The following ZNF423 variants were observed in gnomAD, a reference collection of about 807,000 sequenced individuals.
ZNF423 encodes the protein Ebf-associated zinc finger protein.
Under a neutral mutation model 95.8 loss-of-function variants are expected in ZNF423, and 12 were observed. That is an observed-to-expected ratio of 0.13 (90% confidence interval 0.08 to 0.20). The LOEUF (loss-of-function observed/expected upper bound fraction) is 0.20. ZNF423 is among the 10% of genes least tolerant of loss of function. ZNF423 has a pLI of 1.00. For missense variants in ZNF423, 1,316 were observed against 1,737.1 expected, an observed-to-expected ratio of 0.76 and a Z score of 4.31; for synonymous variants, 749 against 711.9, an observed-to-expected ratio of 1.05 and a Z score of -0.83.
At chr16:49,639,320 A>G (rs535570540) in intron 3 of ZNF423, among the ~76,000 whole-genome samples, 6 of 152,328 alleles carry the variant, frequency 3.9e-5, no homozygotes. Flanking sequence ...TCCTGGAGGG[A>G]AGGAAATCCC....
At chr16:49,610,735 G>A (rs950628866) in intron 5 of ZNF423, among the ~76,000 whole-genome samples, 5 of 151,930 alleles carry the variant, frequency 3.3e-5, no homozygotes, top group African/African-American at 1.2e-4. Context: ...TGGCAGACTG[G>A]AAGGAAAATG....
chr16:49,748,513 C>T (rs1201819271), intron 2 of ZNF423, among the ~76,000 whole-genome samples: 1 of 152,160 alleles, frequency 6.6e-6, no homozygotes, highest in Admixed American at 6.5e-5. Flanking sequence ...GGCCCCCTTC[C>T]AGGAGTGCAC....
In ZNF423 at chr16:49,709,183, T is replaced by TAA. The variant is rs58833331; in HGVS notation, c.301+21587_301+21588insTT. Among the ~76,000 whole-genome samples, 14 of 145,318 alleles carry TAA rather than the reference T, an allele frequency of 9.6e-5. 1 individual carries two copies. Among genetic ancestry groups the TAA allele is most frequent in the Non-Finnish European group, 1.3e-4 (9 of 67,214 alleles). On this transcript the variant is annotated intron_variant, in intron 3 of 7. Transcript: ENST00000563137. Reference sequence around the variant, plus strand: ...CAGCAGCCGTTTATATATATATATATGAAAACGGAGCTTCGGAGCCCTGGG... The same window carrying TAA: ...CAGCAGCCGTTTATATATATATATATAAGAAAACGGAGCTTCGGAGCCCTGGG...
At chr16:49,626,275 A>G in intron 4 of ZNF423, 21 bp from the exon 5 acceptor site, 1 of 1,612,344 alleles carries the variant, frequency 6.2e-7, no homozygotes, top group Non-Finnish European at 8.5e-7. Context: ...ACCAAAAATA[A>G]AAGATTTAGA....
intron 3 of ZNF423, among the ~76,000 whole-genome samples, chr16:49,645,695 C>T (rs1270570547): frequency 6.6e-6 from 1 of 152,194 alleles, no homozygotes; most frequent in African/African-American, 2.4e-5. Context: ...TCACCCAAAT[C>T]TCATCTTGAA....
chr16:49,655,957 G>T (rs1040528948), intron 3 of ZNF423, among the ~76,000 whole-genome samples: 6 of 151,958 alleles, frequency 3.9e-5, no homozygotes, highest in Non-Finnish European at 8.8e-5. Context: ...TTTGTTCATC[G>T]GGTCCAGGGC....
intron 5 of ZNF423, among the ~76,000 whole-genome samples, chr16:49,609,234 G>A (rs946469109): frequency 3.9e-5 from 6 of 152,244 alleles, no homozygotes; most frequent in African/African-American, 1.4e-4. Context: ...GCACTGGAGT[G>A]GGGTCAAAGG....
intron 4 of ZNF423, among the ~76,000 whole-genome samples, chr16:49,630,925 A>C (rs1458547886): frequency 6.6e-6 from 1 of 151,978 alleles, no homozygotes; most frequent in Non-Finnish European, 1.5e-5. Context: ...TACACACAAG[A>C]CACACACACA....
chr16:49,686,029 C>G lies in ZNF423; in HGVS notation c.301+44742G>C, dbSNP rs150425608. 3.2e-3 allele frequency among the ~76,000 whole-genome samples: 484 copies of G among 152,284 alleles called. 1 individual carries two copies. Among genetic ancestry groups the G allele is most frequent in the African/African-American group, 8.8e-3 (365 of 41,544 alleles). ...TTCCAGTGTCCATTCTTCAAAGAAGCCTTTGCTTCTCTCTCATGCCCCATG... is the reference window on the plus strand; with the variant it reads ...TTCCAGTGTCCATTCTTCAAAGAAGGCTTTGCTTCTCTCTCATGCCCCATG... On this transcript the variant is annotated intron_variant, in intron 3 of 7. Transcript: ENST00000563137.
rs1023945844 is a variant in ZNF423, at chr16:49,701,240, G to A, written c.301+29531C>T. The stretch of plus-strand genomic sequence containing the variant: ...CACACGTGGAAGCCGGTATATGCAC[G>A]TGTGCGTGCATGCGCACGTGTGTGT... On this transcript the variant is annotated intron_variant, in intron 3 of 7. Transcript: ENST00000563137. 2.6e-5 allele frequency among the ~76,000 whole-genome samples: 4 copies of A among 152,256 alleles called. No individual in the cohort carries two copies. The South Asian group carries it at 6.2e-4, about 24-fold the overall frequency.
At chr16:49,775,649 C>T (rs1212977397) in intron 2 of ZNF423, among the ~76,000 whole-genome samples, 1 of 152,198 alleles carries the variant, frequency 6.6e-6, no homozygotes, top group Non-Finnish European at 1.5e-5. Flanking sequence ...CAAGCCCATT[C>T]TCACAGTGAA....
At chr16:49,785,074 G>GTTAT (rs2034288533) in intron 2 of ZNF423, among the ~76,000 whole-genome samples, 2 of 151,826 alleles carry the variant, frequency 1.3e-5, no homozygotes, top group African/African-American at 4.8e-5. Context: ...CTTTTATTTA[G>GTTAT]TTAGTTATTT....
intron 3 of ZNF423, among the ~76,000 whole-genome samples, chr16:49,667,699 T>C (rs1238773199): frequency 2.6e-5 from 4 of 152,128 alleles, no homozygotes; most frequent in African/African-American, 7.2e-5. Context: ...TTGGGCAGCA[T>C]AGCAAGACCC....
At chr16:49,503,148 C>T (rs1188217910) in intron 7 of ZNF423, among the ~76,000 whole-genome samples, 2 of 151,988 alleles carry the variant, frequency 1.3e-5, no homozygotes, top group Non-Finnish European at 2.9e-5. Flanking sequence ...TTTACTTTGG[C>T]CTTCTGTCTA....
At chr16:49,537,480 T>A (rs1180550947) in intron 5 of ZNF423, among the ~76,000 whole-genome samples, 1 of 152,182 alleles carries the variant, frequency 6.6e-6, no homozygotes, top group Non-Finnish European at 1.5e-5. Context: ...AAATTGGAAA[T>A]TCAAACGCAA....
chr16:49,825,598 G>T, intron 1 of ZNF423, among the ~76,000 whole-genome samples: 1 of 151,936 alleles, frequency 6.6e-6, no homozygotes, highest in Non-Finnish European at 1.5e-5. Flanking sequence ...AAGGCAGTGG[G>T]GGAGACATTC....
chr16:49,730,256 G>A (rs2033129534), intron 3 of ZNF423, among the ~76,000 whole-genome samples: 1 of 152,208 alleles, frequency 6.6e-6, no homozygotes, highest in Non-Finnish European at 1.5e-5. Flanking sequence ...AGCAGAAGCA[G>A]CTCCCAGCTA....
At chr16:49,766,696 G>A (rs2033935057) in intron 2 of ZNF423, among the ~76,000 whole-genome samples, 2 of 152,260 alleles carry the variant, frequency 1.3e-5, no homozygotes, top group Non-Finnish European at 2.9e-5. Context: ...CCAACAGGCA[G>A]ATTCTCTGCA....
chr16:49,734,593 T>G (rs2033242633), intron 2 of ZNF423, among the ~76,000 whole-genome samples: 1 of 152,178 alleles, frequency 6.6e-6, no homozygotes, highest in Non-Finnish European at 1.5e-5. Context: ...TCCTGGGGGC[T>G]GTCTGCAGCA....
Sources: allele counts gnomAD v4.1 joint callset (sites outside exome capture counted in the v4.1 genomes callset), GRCh38; gene constraint gnomAD v4.1.1; transcripts MANE v1.5; gene names NCBI Gene and HGNC (gene_info 2026-07-23, HGNC 2026-07-21).